LIMA1: variants seen among roughly 807,000 people sequenced by gnomAD.
LIMA1 encodes LIM domain and actin binding 1, also known as LIM domain and actin-binding protein 1.
LIMA1 carries 52 observed loss-of-function variants against 62.6 expected under a neutral mutation model. The observed-to-expected ratio is 0.83, with a 90% CI of 0.67 to 1.05. LIMA1 has a LOEUF of 1.05. LIMA1 is among the 50% of genes least tolerant of loss of function. LIMA1 has a pLI of 0.00. For synonymous variants in LIMA1, 302 were observed against 317.8 expected, an observed-to-expected ratio of 0.95 and a Z score of 0.53; for missense variants, 780 against 902.2, an observed-to-expected ratio of 0.86 and a Z score of 1.74.
intron 9 of LIMA1, chr12:50,189,121 A>G (rs1489988561): frequency 6.6e-6 from 1 of 152,248 alleles, no homozygotes; most frequent in Non-Finnish European, 1.5e-5. Context: ...GACCCCGCCC[A>G]TTCTTCCTGG....
chr12:50,275,554 G>T (rs1223278779), intron 1 of LIMA1, among the ~76,000 whole-genome samples: 2 of 152,028 alleles, frequency 1.3e-5, no homozygotes, highest in African/African-American at 2.4e-5. Context: ...ATAAAGACTG[G>T]GGAGGCAGCC....
intron 7 of LIMA1, among the ~76,000 whole-genome samples, chr12:50,199,007 G>A (rs879618630): frequency 1.3e-5 from 2 of 152,108 alleles, no homozygotes; most frequent in Non-Finnish European, 2.9e-5. Flanking sequence ...TGCTGCCTAT[G>A]TGTACCTCAT....
At chr12:50,216,122 C>T (rs1941341413) in intron 4 of LIMA1, among the ~76,000 whole-genome samples, 1 of 152,002 alleles carries the variant, frequency 6.6e-6, no homozygotes, top group South Asian at 2.1e-4. Context: ...AAAAGGCTGT[C>T]CTGAATGGTT....
chr12:50,211,324 A>AC (rs1555206311), intron 4 of LIMA1, among the ~76,000 whole-genome samples: 194 of 93,514 alleles, frequency 2.1e-3, no homozygotes, highest in African/African-American at 6.7e-3. Context: ...ACTCCGCCCC[A>AC]CCCCCCCAAA....
At position 50,261,162 on chromosome 12, in the gene LIMA1, C is replaced by T. The variant is rs192715761; in HGVS notation, c.-23-12388G>A. On this transcript the variant is annotated intron_variant, in intron 1 of 10. Coordinates refer to ENST00000341247, the MANE Select transcript of LIMA1 (RefSeq NM_016357.5). ...CCGCCTCCCGGGTTCACGTCATTCTCCTGCCTTAGCCTCCCGAGTAGCTGG... is the reference window on the plus strand; with the variant it reads ...CCGCCTCCCGGGTTCACGTCATTCTTCTGCCTTAGCCTCCCGAGTAGCTGG... Among the ~76,000 whole-genome samples, 140 of 146,650 alleles carry T rather than the reference C, an allele frequency of 9.5e-4. 1 individual carries two copies. The highest frequency in any genetic ancestry group is 5.9e-3 in the Admixed American group (83 of 14,096).
chr12:50,272,919 G>C (rs560349982), intron 1 of LIMA1, among the ~76,000 whole-genome samples: 1 of 151,360 alleles, frequency 6.6e-6, no homozygotes, highest in Non-Finnish European at 1.5e-5. Flanking sequence ...GCGTTGTGGC[G>C]GGCGCCTGTA....
At chr12:50,202,565 G>C (rs1266488595) in intron 6 of LIMA1, among the ~76,000 whole-genome samples, 2 of 152,102 alleles carry the variant, frequency 1.3e-5, no homozygotes, top group African/African-American at 4.8e-5. Flanking sequence ...AAATTTGCTC[G>C]CTTTTCACAT....
At chr12:50,234,782 GC>G (rs1449660123) in intron 2 of LIMA1, among the ~76,000 whole-genome samples, 11 of 152,162 alleles carry the variant, frequency 7.2e-5, no homozygotes, top group African/African-American at 2.4e-4. Context: ...GGGAGGCCGA[GC>G]TGGGCGGATC....
intron 1 of LIMA1, among the ~76,000 whole-genome samples, chr12:50,279,350 T>C (rs887691222): frequency 2.7e-5 from 4 of 149,634 alleles, no homozygotes; most frequent in Non-Finnish European, 4.4e-5. Flanking sequence ...ATTTTTATTT[T>C]ATAATAATAT....
chr12:50,189,637 A>C (rs1042153630), intron 9 of LIMA1: 1 of 152,180 alleles, frequency 6.6e-6, no homozygotes, highest in South Asian at 2.1e-4. Flanking sequence ...TTTTTAATAA[A>C]CATTTTTTGG....
chr12:50,207,610 T>C (rs890370066), intron 4 of LIMA1, among the ~76,000 whole-genome samples: 1 of 152,112 alleles, frequency 6.6e-6, no homozygotes, highest in African/African-American at 2.4e-5. Context: ...GAAGTGAGAC[T>C]GGGCATGGTG....
intron 3 of LIMA1, chr12:50,222,739 TGAG>T (rs1941469338): frequency 5.3e-6 from 7 of 1,323,330 alleles, no homozygotes; most frequent in Non-Finnish European, 6.8e-6. Flanking sequence ...AAGGACAAAA[TGAG>T]AAGAAAGGCA....
At chr12:50,237,427 A>G (rs1941712007) in intron 2 of LIMA1, among the ~76,000 whole-genome samples, 1 of 152,224 alleles carries the variant, frequency 6.6e-6, no homozygotes, top group South Asian at 2.1e-4. Flanking sequence ...TCCTGAGGTC[A>G]GGAGTTTAAG....
intron 1 of LIMA1, among the ~76,000 whole-genome samples, chr12:50,272,907 G>A (rs150724481): frequency 0.012 from 1,822 of 150,624 alleles, 17 homozygotes; most frequent in Non-Finnish European, 0.019. Flanking sequence ...AAAATTAGCC[G>A]GGCGTTGTGG....
At chr12:50,217,391 C>T (rs1941361451) in intron 4 of LIMA1, among the ~76,000 whole-genome samples, 1 of 152,098 alleles carries the variant, frequency 6.6e-6, no homozygotes, top group African/African-American at 2.4e-5. Context: ...CATCATAGAA[C>T]ACCTATTGCT....
Position 50,235,273 on chromosome 12 carries a change from CT to C in LIMA1, c.120-3564del, listed in dbSNP as rs1036341264. Among the ~76,000 whole-genome samples, 239 of 124,388 alleles carry C rather than the reference CT, an allele frequency of 1.9e-3. 1 individual carries two copies. The highest frequency in any genetic ancestry group is 3.9e-3 in the South Asian group (15 of 3,856). The allele number at this position is 124,388 out of a possible 152,430, so 81.6% of individuals were successfully genotyped here. On this transcript the variant is annotated intron_variant, in intron 2 of 10. Transcript: ENST00000341247. Reference sequence around the variant, plus strand: ...CATAAAGGGTCTTCCAATCCTATCACTTTTTTTTTTTTTTTTTTTTTTTGAG... The same window carrying C: ...CATAAAGGGTCTTCCAATCCTATCACTTTTTTTTTTTTTTTTTTTTTTGAG...
At chr12:50,254,304 G>C (rs1941966600) in intron 1 of LIMA1, among the ~76,000 whole-genome samples, 3 of 152,150 alleles carry the variant, frequency 2.0e-5, no homozygotes, top group Admixed American at 6.5e-5. Flanking sequence ...TACATAGAAA[G>C]GGGAACAGTT....
intron 1 of LIMA1, among the ~76,000 whole-genome samples, chr12:50,276,777 T>C (rs11169349): frequency 0.37 from 55,996 of 151,514 alleles, 11,035 homozygotes; most frequent in South Asian, 0.49. Context: ...GGCTGAGGCA[T>C]GAGAATCACT....
rs1275441931 is a variant in LIMA1, at chr12:50,248,723, T to C, written c.29A>G (p.Gln10Arg). ...TACCCTCAATGATAGTGAGGTCCATTGCCGTCTATTAAATGGAGATGATTC... is the reference window on the plus strand; with the variant it reads ...TACCCTCAATGATAGTGAGGTCCATCGCCGTCTATTAAATGGAGATGATTC... MESSPFNRR[Q>R]WTSLSLRVTA... Residue 10 changes from glutamine to arginine, a missense_variant, in exon 2 of 11, where the codon CAA (glutamine) becomes CGA (arginine). Gln to Arg is a conservative substitution (Grantham distance 43, BLOSUM62 1). Transcript: ENST00000341247. The C allele has an allele frequency of 6.2e-7, 1 of 1,611,256 alleles. No individual in the cohort carries two copies. Among genetic ancestry groups the C allele is most frequent in the African/African-American group, 1.3e-5 (1 of 74,886 alleles).
Sources: allele counts gnomAD v4.1 joint callset (sites outside exome capture counted in the v4.1 genomes callset), GRCh38; gene constraint gnomAD v4.1.1; transcripts MANE v1.5; gene names NCBI Gene and HGNC (gene_info 2026-07-23, HGNC 2026-07-21).